Variants in MEP1A observed in about 807,000 individuals in gnomAD.
The protein encoded by MEP1A is meprin A subunit alpha.
Under a neutral mutation model 84.5 loss-of-function variants are expected in MEP1A, and 68 were observed. That is an observed-to-expected ratio of 0.80 (90% CI 0.66 to 0.98). The LOEUF is 0.98. Among genes scored for constraint, MEP1A ranks in the 50% least tolerant of loss-of-function variants. The pLI, the probability that MEP1A is intolerant of heterozygous loss-of-function variation, is 0.00. For synonymous variants in MEP1A, 337 were observed against 336.8 expected, an observed-to-expected ratio of 1.00 and a Z score of -0.01; for missense variants, 887 against 919.9, an observed-to-expected ratio of 0.96 and a Z score of 0.46.
intron 7 of MEP1A, among the ~76,000 whole-genome samples, chr6:46,821,181 G>T (rs940091485): frequency 6.6e-6 from 1 of 152,140 alleles, no homozygotes; most frequent in Non-Finnish European, 1.5e-5. Context: ...CACCTGTGAG[G>T]TTTCTCATCC....
chr6:46,817,264 C>G (rs2150748681), intron 6 of MEP1A, among the ~76,000 whole-genome samples: 1 of 152,280 alleles, frequency 6.6e-6, no homozygotes, highest in South Asian at 2.1e-4. Context: ...GTGGTAACTT[C>G]ATTTGCTGAG....
At chr6:46,821,181 G>A (rs940091485) in intron 7 of MEP1A, among the ~76,000 whole-genome samples, 16 of 152,258 alleles carry the variant, frequency 1.1e-4, no homozygotes, top group African/African-American at 3.6e-4. Flanking sequence ...CACCTGTGAG[G>A]TTTCTCATCC....
At position 46,810,367 on chromosome 6, in the gene MEP1A, G is replaced by A. The variant is rs554304203; in HGVS notation, c.380+830G>A. Among the ~76,000 whole-genome samples, 153 of 152,002 alleles carry A rather than the reference G, an allele frequency of 1.0e-3. 1 individual carries two copies. The Middle Eastern group carries it at 0.01, about 10-fold the overall frequency. On this transcript the variant is annotated intron_variant, in intron 6 of 13. Coordinates refer to ENST00000230588, the MANE Select transcript of MEP1A (RefSeq NM_005588.3). The stretch of plus-strand genomic sequence containing the variant: ...GGTTATTTGTAGATTCCAGATATTC[G>A]TCCTTTGTTGGATGTATACATTGTG...
chr6:46,826,270 A>G (rs1042100004), intron 8 of MEP1A, 84 bp from the exon 9 acceptor site: 50 of 1,243,526 alleles, frequency 4.0e-5, no homozygotes, highest in Non-Finnish European at 5.4e-5. Context: ...TATCTGAACA[A>G]TGAGGTTTTA....
At chr6:46,823,363 G>C (rs1025740743) in intron 7 of MEP1A, among the ~76,000 whole-genome samples, 1 of 152,318 alleles carries the variant, frequency 6.6e-6, no homozygotes, top group East Asian at 1.9e-4. Context: ...TATAATCCCA[G>C]CACTTTGAGA....
At chr6:46,805,573 A>T (rs1267940328) in intron 5 of MEP1A, among the ~76,000 whole-genome samples, 1 of 151,840 alleles carries the variant, frequency 6.6e-6, no homozygotes, top group Non-Finnish European at 1.5e-5. Flanking sequence ...TTTTGCAAAT[A>T]TTTTGCTCCA....
intron 3 of MEP1A, 84 bp from the exon 4 acceptor site, chr6:46,798,522 G>T: frequency 1.8e-6 from 2 of 1,130,350 alleles, no homozygotes; most frequent in South Asian, 2.5e-5. Context: ...GATTTATAAT[G>T]GCAAATACTA....
intron 5 of MEP1A, among the ~76,000 whole-genome samples, chr6:46,803,025 C>A (rs1310940991): frequency 1.3e-5 from 2 of 151,534 alleles, no homozygotes; most frequent in Non-Finnish European, 3.0e-5. Flanking sequence ...ATGTAGCTCT[C>A]AAAACCATCT....
chr6:46,836,583 T>A (rs1768222179), intron 13 of MEP1A, among the ~76,000 whole-genome samples: 2 of 152,226 alleles, frequency 1.3e-5, no homozygotes, highest in Admixed American at 1.3e-4. Flanking sequence ...TGAACATTGG[T>A]ACAATGCTAG....
intron 5 of MEP1A, among the ~76,000 whole-genome samples, chr6:46,804,059 G>T (rs974393318): frequency 6.6e-6 from 1 of 151,486 alleles, no homozygotes; most frequent in Non-Finnish European, 1.5e-5. Flanking sequence ...TAAAGTAATT[G>T]ATGAAAAACA....
chr6:46,825,255 G>C lies in MEP1A; in HGVS notation c.557-17G>C. 1 of 1,557,216 alleles carries C rather than the reference G, an allele frequency of 6.4e-7. No homozygotes were observed. Among genetic ancestry groups the C allele is most frequent in the Non-Finnish European group, 8.8e-7 (1 of 1,134,170 alleles). ...ATAACATGACTGAGAAGGACCTGTG[G>C]ATTCTCTCCCTAACAGGTTACCAGC... On this transcript the variant is annotated splice_polypyrimidine_tract_variant and intron_variant, in intron 7 of 13. Transcript: ENST00000230588.
At chr6:46,811,690 G>A (rs1767502574) in intron 6 of MEP1A, among the ~76,000 whole-genome samples, 1 of 151,910 alleles carries the variant, frequency 6.6e-6, no homozygotes, top group Non-Finnish European at 1.5e-5. Context: ...CAGGGATGGT[G>A]GACTTTGCCA....
chr6:46,810,140 T>A (rs941622768), intron 6 of MEP1A, among the ~76,000 whole-genome samples: 4 of 151,970 alleles, frequency 2.6e-5, no homozygotes, highest in African/African-American at 9.7e-5. Flanking sequence ...TTTTTAAAAA[T>A]TTTTTAATTA....
At chr6:46,813,325 G>A (rs528999560) in intron 6 of MEP1A, among the ~76,000 whole-genome samples, 1 of 152,198 alleles carries the variant, frequency 6.6e-6, no homozygotes, top group South Asian at 2.1e-4. Context: ...AAAATTATTT[G>A]AACTGAATGA....
intron 5 of MEP1A, among the ~76,000 whole-genome samples, chr6:46,808,264 T>C (rs1235721649): frequency 6.6e-6 from 1 of 152,080 alleles, no homozygotes; most frequent in Non-Finnish European, 1.5e-5. Flanking sequence ...ATGTAATGAA[T>C]GCTCTTGTTA....
chr6:46,797,792 CTCTTTCTTTCTTTCTTTCTTTCTT>C (rs552272095), intron 3 of MEP1A, among the ~76,000 whole-genome samples: 1,665 of 136,786 alleles, frequency 0.012, 15 homozygotes, highest in Non-Finnish European at 0.016. Context: ...TTCTTTCTTT[CTCTTTCTTTCTTTCTTTCTTTCTT>C]TCTTTCTTTC....
chr6:46,793,406 G>C lies in MEP1A; in HGVS notation c.8G>C (p.Trp3Ser). The C allele has an allele frequency of 1.9e-6, 3 of 1,589,528 alleles. No individual in the cohort carries two copies. Among genetic ancestry groups the C allele is most frequent in the Non-Finnish European group, 2.6e-6 (3 of 1,173,012 alleles). MA[W>S]IRSTCILFFT... ...ATCAGCTCACTTGCAGCAATGGCTT[G>C]GATTAGATCCACTTGCATTCTCTTT... is the stretch of plus-strand genomic sequence containing the variant. The change falls in exon 1 of 14, where the codon TGG (tryptophan) becomes TCG (serine). Residue 3 changes from tryptophan to serine, a missense_variant. By Grantham distance (177) the Trp-to-Ser change is radical. Transcript: ENST00000230588.
intron 6 of MEP1A, among the ~76,000 whole-genome samples, chr6:46,818,244 C>A (rs1398323297): frequency 6.6e-6 from 1 of 151,762 alleles, no homozygotes. Flanking sequence ...TAAATTATAC[C>A]TTAATAAAGT....
chr6:46,794,946 T>C (rs1292662131), intron 3 of MEP1A, among the ~76,000 whole-genome samples: 1 of 152,148 alleles, frequency 6.6e-6, no homozygotes. Context: ...AGTGGAGAAA[T>C]CTCATTACCA....
Sources: gnomAD v4.1 joint callset for allele counts (sites outside exome capture counted in the v4.1 genomes callset) on GRCh38, gnomAD v4.1.1 for gene constraint, MANE v1.5 for transcripts, NCBI Gene and HGNC (gene_info 2026-07-23, HGNC 2026-07-21) for gene names.